MAML2: variants seen among roughly 807,000 people sequenced by gnomAD.
The protein encoded by MAML2 is mastermind-like protein 2.
In MAML2, 22 loss-of-function variants were observed where a neutral mutation model predicts 96.1. That is an observed-to-expected ratio of 0.23 (90% confidence interval 0.16 to 0.33). The LOEUF (loss-of-function observed/expected upper bound fraction) is 0.33. Ranked by LOEUF, MAML2 falls within the 10% of genes least tolerant of loss-of-function variation. MAML2 has a pLI of 1.00. For missense variants in MAML2, 1,367 were observed against 1,392.4 expected, an observed-to-expected ratio of 0.98 and a Z score of 0.29; for synonymous variants, 561 against 521.3, an observed-to-expected ratio of 1.08 and a Z score of -1.04.
intron 1 of MAML2, among the ~76,000 whole-genome samples, chr11:96,209,542 C>G (rs1468254142): frequency 6.6e-6 from 1 of 152,010 alleles, no homozygotes; most frequent in Non-Finnish European, 1.5e-5. Context: ...CGCCACTGCA[C>G]TCCAGCCTGG....
intron 2 of MAML2, among the ~76,000 whole-genome samples, chr11:96,043,889 G>T (rs1858854853): frequency 6.6e-6 from 1 of 152,126 alleles, no homozygotes; most frequent in Non-Finnish European, 1.5e-5. Context: ...TCAAAGAAAG[G>T]GTTCCCTAAG....
intron 1 of MAML2, among the ~76,000 whole-genome samples, chr11:96,192,028 G>C (rs971912416): frequency 6.6e-6 from 1 of 152,294 alleles, no homozygotes; most frequent in East Asian, 1.9e-4. Flanking sequence ...AGTATACAAG[G>C]TATTTTCCCA....
intron 1 of MAML2, among the ~76,000 whole-genome samples, chr11:96,282,827 T>C (rs1361073027): frequency 2.6e-5 from 4 of 152,202 alleles, no homozygotes; most frequent in Admixed American, 6.5e-5. Flanking sequence ...CTTCAAAAAT[T>C]GGAATGTGAC....
At chr11:96,094,647 A>G (rs1369440132) in intron 1 of MAML2, among the ~76,000 whole-genome samples, 1 of 152,194 alleles carries the variant, frequency 6.6e-6, no homozygotes, top group Non-Finnish European at 1.5e-5. Context: ...TAAGCACACT[A>G]ATACATTAAA....
intron 1 of MAML2, among the ~76,000 whole-genome samples, chr11:96,242,260 G>C (rs957555894): frequency 8.5e-5 from 13 of 152,182 alleles, no homozygotes; most frequent in Admixed American, 2.0e-4. Flanking sequence ...AATGTTTTGA[G>C]TATTCCTGAA....
intron 1 of MAML2, among the ~76,000 whole-genome samples, chr11:96,097,360 G>A (rs917602304): frequency 2.0e-5 from 3 of 152,100 alleles, no homozygotes; most frequent in Non-Finnish European, 4.4e-5. Flanking sequence ...AGAAGGATGG[G>A]GGCAGGACTA....
At chr11:96,295,496 A>G (rs533950530) in intron 1 of MAML2, among the ~76,000 whole-genome samples, 11 of 152,326 alleles carry the variant, frequency 7.2e-5, no homozygotes, top group Non-Finnish European at 1.5e-4. Flanking sequence ...CTTCAAATGT[A>G]AGCTATGAGG....
At chr11:96,085,609 A>G (rs140136836) in intron 2 of MAML2, among the ~76,000 whole-genome samples, 18 of 152,316 alleles carry the variant, frequency 1.2e-4, no homozygotes, top group Non-Finnish European at 2.4e-4. Flanking sequence ...CCAGGTTCAA[A>G]TCTATTTCTT....
intron 1 of MAML2, among the ~76,000 whole-genome samples, chr11:96,317,866 G>A (rs995834246): frequency 1.3e-5 from 2 of 152,218 alleles, no homozygotes; most frequent in Non-Finnish European, 2.9e-5. Flanking sequence ...AACAGGAACA[G>A]CCTGAGTAGG....
intron 1 of MAML2, among the ~76,000 whole-genome samples, chr11:96,254,060 T>A (rs1259394991): frequency 6.6e-6 from 1 of 152,218 alleles, no homozygotes; most frequent in Non-Finnish European, 1.5e-5. Flanking sequence ...TTTGTGAGAC[T>A]TCTGGGAGAA....
intron 1 of MAML2, among the ~76,000 whole-genome samples, chr11:96,320,242 A>G (rs77390068): frequency 0.046 from 6,995 of 152,340 alleles, 191 homozygotes; most frequent in African/African-American, 0.051. Flanking sequence ...CCTGTCAACT[A>G]ACAAATTCCA....
chr11:96,091,505 A>G (rs1419986242), intron 2 of MAML2, among the ~76,000 whole-genome samples: 10 of 152,048 alleles, frequency 6.6e-5, no homozygotes, highest in Non-Finnish European at 4.4e-5. Flanking sequence ...TTCAATACTC[A>G]GCATAATAAC....
intron 1 of MAML2, among the ~76,000 whole-genome samples, chr11:96,129,608 T>A (rs1238686470): frequency 6.6e-6 from 1 of 152,172 alleles, no homozygotes; most frequent in East Asian, 1.9e-4. Context: ...ATTTTTTGTT[T>A]TGTTTTGTTT....
chr11:95,984,230 A>G (rs1400389551), intron 4 of MAML2, among the ~76,000 whole-genome samples: 2 of 152,182 alleles, frequency 1.3e-5, no homozygotes, highest in Admixed American at 1.3e-4. Flanking sequence ...CTAGGTGTGT[A>G]GTGGGCTAGA....
chr11:96,300,051 A>C (rs900432946), intron 1 of MAML2, among the ~76,000 whole-genome samples: 1 of 152,170 alleles, frequency 6.6e-6, no homozygotes, highest in African/African-American at 2.4e-5. Context: ...TTAATAAGAA[A>C]AGAACAGGAG....
intron 1 of MAML2, among the ~76,000 whole-genome samples, chr11:96,245,773 C>T (rs559395687): frequency 1.1e-4 from 16 of 150,254 alleles, no homozygotes; most frequent in South Asian, 4.2e-4. Flanking sequence ...GGTGCGATCT[C>T]GGCTCACTGC....
At chr11:96,110,097 C>A (rs1321341269) in intron 1 of MAML2, among the ~76,000 whole-genome samples, 1 of 151,936 alleles carries the variant, frequency 6.6e-6, no homozygotes, top group Admixed American at 6.6e-5. Context: ...AGGTCACCTG[C>A]GATAGGGCAG....
At chr11:96,030,828 C>T (rs1858602194) in intron 2 of MAML2, among the ~76,000 whole-genome samples, 1 of 152,154 alleles carries the variant, frequency 6.6e-6, no homozygotes, top group Admixed American at 6.5e-5. Context: ...AAACTGGGAA[C>T]CCAAGGCTAC....
chr11:96,124,025 G>A (rs1203136054), intron 1 of MAML2, among the ~76,000 whole-genome samples: 3 of 151,008 alleles, frequency 2.0e-5, no homozygotes, highest in Admixed American at 6.6e-5. Flanking sequence ...AGCCGAGATC[G>A]GGCCACTATA....
Sources: allele counts gnomAD v4.1 joint callset (sites outside exome capture counted in the v4.1 genomes callset), GRCh38; gene constraint gnomAD v4.1.1; transcripts MANE v1.5; gene names NCBI Gene and HGNC (gene_info 2026-07-23, HGNC 2026-07-21).